RFC3: variants seen among roughly 807,000 people sequenced by gnomAD.
RFC3 encodes replication factor C subunit 3.
RFC3 carries 41 observed loss-of-function variants against 45.1 expected under a neutral mutation model. The observed-to-expected ratio is 0.91, with a 90% CI of 0.71 to 1.18. RFC3 has a LOEUF of 1.18. RFC3 is among the 50% of genes most tolerant of loss of function. The probability of loss-of-function intolerance (pLI) is 0.00; values close to 1 mark genes in which losing one functional copy is unlikely to be tolerated. For synonymous variants in RFC3, 149 were observed against 144.0 expected, an observed-to-expected ratio of 1.03 and a Z score of -0.25; for missense variants, 423 against 428.1, an observed-to-expected ratio of 0.99 and a Z score of 0.10.
At chr13:33,946,384 TC>T (rs1401904004) in intron 8 of RFC3, among the ~76,000 whole-genome samples, 1 of 152,182 alleles carries the variant, frequency 6.6e-6, no homozygotes, top group African/African-American at 2.4e-5. Flanking sequence ...CAGACTTTTT[TC>T]TTTCAGAAAC....
At chr13:33,826,120 A>G (rs1421210579) in intron 4 of RFC3, among the ~76,000 whole-genome samples, 1 of 152,198 alleles carries the variant, frequency 6.6e-6, no homozygotes, top group Admixed American at 6.5e-5. Context: ...TGATTTTAAA[A>G]TAATTGTTCT....
chr13:33,906,497 A>G (rs1422258183), intron 8 of RFC3, among the ~76,000 whole-genome samples: 1 of 141,308 alleles, frequency 7.1e-6, no homozygotes, highest in Non-Finnish European at 1.5e-5. Context: ...TTCCATGAAG[A>G]CGCAAGTCTC....
chr13:33,891,321 T>A (rs1362477421), intron 8 of RFC3, among the ~76,000 whole-genome samples: 1 of 152,152 alleles, frequency 6.6e-6, no homozygotes, highest in Non-Finnish European at 1.5e-5. Context: ...TTTATTCATA[T>A]GCAAGGTTCC....
chr13:33,952,073 A>T (rs2082994608), intron 8 of RFC3, among the ~76,000 whole-genome samples: 1 of 152,214 alleles, frequency 6.6e-6, no homozygotes, highest in African/African-American at 2.4e-5. Context: ...AATGCCTACT[A>T]ATGTAAAGCA....
intron 8 of RFC3, among the ~76,000 whole-genome samples, chr13:33,927,769 G>C (rs1007830577): frequency 6.6e-6 from 1 of 152,052 alleles, no homozygotes; most frequent in Admixed American, 6.6e-5. Context: ...GGAGAGGCCT[G>C]GTGTGTGGGT....
At chr13:33,875,981 T>C (rs2082443908) in intron 8 of RFC3, among the ~76,000 whole-genome samples, 1 of 152,200 alleles carries the variant, frequency 6.6e-6, no homozygotes. Context: ...AGTATGTGTT[T>C]CATAAATGTT....
intron 8 of RFC3, among the ~76,000 whole-genome samples, chr13:33,923,276 C>T (rs912515319): frequency 6.6e-6 from 1 of 152,004 alleles, no homozygotes; most frequent in African/African-American, 2.4e-5. Context: ...GAGAAAGGCT[C>T]CTAGACAGAC....
At chr13:33,858,702 A>T (rs1341426265) in intron 8 of RFC3, among the ~76,000 whole-genome samples, 5 of 152,108 alleles carry the variant, frequency 3.3e-5, no homozygotes, top group East Asian at 1.9e-4. Flanking sequence ...GCACTGATTA[A>T]TTTTTTTTAT....
At chr13:33,864,282 C>T (rs1324245489) in intron 8 of RFC3, among the ~76,000 whole-genome samples, 1 of 152,146 alleles carries the variant, frequency 6.6e-6, no homozygotes, top group African/African-American at 2.4e-5. Context: ...CCACCTCTAA[C>T]ATTGGGGATC....
chr13:33,957,297 C>G (rs1353601660), intron 8 of RFC3, among the ~76,000 whole-genome samples: 1 of 152,144 alleles, frequency 6.6e-6, no homozygotes, highest in Non-Finnish European at 1.5e-5. Context: ...GCCTGCATTT[C>G]TTTTCTTCTT....
intron 8 of RFC3, chr13:33,848,835 AT>A (rs1335269782): frequency 6.6e-6 from 1 of 152,214 alleles, no homozygotes; most frequent in Non-Finnish European, 1.5e-5. Flanking sequence ...ATGGCAAGTA[AT>A]TTCTATTAAA....
At chr13:33,846,172 C>T (rs776551371) in intron 8 of RFC3, 1 of 152,218 alleles carries the variant, frequency 6.6e-6, no homozygotes, top group Non-Finnish European at 1.5e-5. Flanking sequence ...AGAGGTGATA[C>T]AAGCATGCCT....
chr13:33,873,400 G>A (rs1014369796), intron 8 of RFC3, among the ~76,000 whole-genome samples: 3 of 152,152 alleles, frequency 2.0e-5, no homozygotes, highest in Admixed American at 1.3e-4. Flanking sequence ...ATTTCAAAGC[G>A]CCTGTTTTTC....
chr13:33,858,339 A>C (rs2082320034), intron 8 of RFC3, among the ~76,000 whole-genome samples: 1 of 152,176 alleles, frequency 6.6e-6, no homozygotes, highest in South Asian at 2.1e-4. Flanking sequence ...TGGTAGGGTT[A>C]GGTTTGGCTG....
chr13:33,821,389 G>A (rs1481040086), intron 2 of RFC3, 120 bp downstream of exon 2: 6 of 978,912 alleles, frequency 6.1e-6, no homozygotes, highest in Non-Finnish European at 9.3e-6. Flanking sequence ...AATTCCACAG[G>A]TAGTCTTGGG....
At chr13:33,891,078 T>C (rs540309056) in intron 8 of RFC3, among the ~76,000 whole-genome samples, 2 of 152,324 alleles carry the variant, frequency 1.3e-5, no homozygotes, top group South Asian at 2.1e-4. Context: ...TTAGTCCTTC[T>C]AGGTCATCAC....
At chr13:33,822,293 A>G (rs2082010740) in intron 2 of RFC3, among the ~76,000 whole-genome samples, 1 of 152,232 alleles carries the variant, frequency 6.6e-6, no homozygotes, top group African/African-American at 2.4e-5. Flanking sequence ...ATCTTCCCAG[A>G]TGGGTGGCTT....
At chr13:33,927,690 T>C (rs2082822988) in intron 8 of RFC3, among the ~76,000 whole-genome samples, 2 of 152,114 alleles carry the variant, frequency 1.3e-5, no homozygotes, top group African/African-American at 4.8e-5. Flanking sequence ...GACTCTATTT[T>C]GATTCTGACA....
chr13:33,860,897 T>C (rs1265236871), intron 8 of RFC3, among the ~76,000 whole-genome samples: 1 of 134,184 alleles, frequency 7.5e-6, no homozygotes, highest in South Asian at 2.6e-4. Context: ...TTAAGAAACA[T>C]ATTAAATATA....
Sources: gnomAD v4.1 joint callset for allele counts (sites outside exome capture counted in the v4.1 genomes callset) on GRCh38, gnomAD v4.1.1 for gene constraint, MANE v1.5 for transcripts, NCBI Gene and HGNC (gene_info 2026-07-23, HGNC 2026-07-21) for gene names.